SEMA5A: variants seen among roughly 807,000 people sequenced by gnomAD.
SEMA5A encodes the protein semaphorin 5A, also known as semaphorin-5A.
SEMA5A carries 55 observed loss-of-function variants against 135.5 expected under a neutral mutation model. The ratio of observed to expected loss-of-function variants is 0.41; its 90% confidence interval spans 0.33 to 0.51. The LOEUF (loss-of-function observed/expected upper bound fraction) is 0.51. SEMA5A is among the 20% of genes least tolerant of loss of function. The probability of loss-of-function intolerance (pLI) is 0.37; values close to 1 mark genes in which losing one functional copy is unlikely to be tolerated. For synonymous variants in SEMA5A, 580 were observed against 546.5 expected, an observed-to-expected ratio of 1.06 and a Z score of -0.85; for missense variants, 1,290 against 1,419.9, an observed-to-expected ratio of 0.91 and a Z score of 1.47.
chr5:9,503,547 C>T (rs1303993912), intron 1 of SEMA5A, among the ~76,000 whole-genome samples: 1 of 152,218 alleles, frequency 6.6e-6, no homozygotes, highest in Non-Finnish European at 1.5e-5. Flanking sequence ...CACGCTGGAG[C>T]CAACCTTGAA....
chr5:9,289,911 C>T (rs1055871958), intron 5 of SEMA5A, among the ~76,000 whole-genome samples: 5 of 152,062 alleles, frequency 3.3e-5, no homozygotes, highest in African/African-American at 1.2e-4. Flanking sequence ...ACACATAAGA[C>T]ATTTCAAAAG....
intron 3 of SEMA5A, among the ~76,000 whole-genome samples, chr5:9,374,789 C>T (rs1208768279): frequency 6.6e-6 from 1 of 152,154 alleles, no homozygotes; most frequent in African/African-American, 2.4e-5. Flanking sequence ...TCCTTCCTCT[C>T]CCGCACCCAC....
intron 5 of SEMA5A, among the ~76,000 whole-genome samples, chr5:9,264,207 C>T (rs1749555930): frequency 6.6e-6 from 1 of 152,054 alleles, no homozygotes. Context: ...TATTTAAGAA[C>T]ATTTTACATT....
chr5:9,123,460 G>A (rs1465579302), intron 13 of SEMA5A, among the ~76,000 whole-genome samples: 1 of 151,102 alleles, frequency 6.6e-6, no homozygotes, highest in African/African-American at 2.4e-5. Flanking sequence ...AAAGGAAGGA[G>A]AAGAAAAAGG....
chr5:9,353,174 G>GGGAAGGGAAAGGAAAGGAAA (rs1754247171), intron 3 of SEMA5A, among the ~76,000 whole-genome samples: 1 of 30,954 alleles, frequency 3.2e-5, no homozygotes, highest in African/African-American at 1.7e-4. Flanking sequence ...GGGAAAGGAA[G>GGGAAGGGAAAGGAAAGGAAA]GGAAAGGAAG....
chr5:9,157,318 C>T (rs372926600), intron 11 of SEMA5A, among the ~76,000 whole-genome samples: 2 of 152,192 alleles, frequency 1.3e-5, no homozygotes, highest in Non-Finnish European at 2.9e-5. Context: ...TCTTCAAAGC[C>T]GGGATCTGTC....
intron 1 of SEMA5A, among the ~76,000 whole-genome samples, chr5:9,460,786 A>C (rs1759027542): frequency 6.6e-6 from 1 of 152,160 alleles, no homozygotes; most frequent in Admixed American, 6.5e-5. Context: ...AATCAAATGA[A>C]ATTATTTGCT....
intron 5 of SEMA5A, among the ~76,000 whole-genome samples, chr5:9,268,434 G>A (rs768409070): frequency 2.6e-5 from 4 of 152,188 alleles, no homozygotes; most frequent in Admixed American, 1.3e-4. Flanking sequence ...CACAGAAAAC[G>A]GCGTCATGAG....
At chr5:9,180,794 T>A (rs1172714003) in intron 11 of SEMA5A, among the ~76,000 whole-genome samples, 7 of 146,482 alleles carry the variant, frequency 4.8e-5, no homozygotes, top group African/African-American at 1.8e-4. Context: ...GAAAAAAAAA[T>A]TTGCAGGGAG....
At chr5:9,267,521 T>A (rs1749746419) in intron 5 of SEMA5A, among the ~76,000 whole-genome samples, 1 of 152,148 alleles carries the variant, frequency 6.6e-6, no homozygotes, top group African/African-American at 2.4e-5. Context: ...GGTTTCCACA[T>A]TATTGTGCTT....
intron 2 of SEMA5A, among the ~76,000 whole-genome samples, chr5:9,391,206 C>T (rs1295740052): frequency 6.6e-6 from 1 of 152,168 alleles, no homozygotes. Context: ...TAACTAGCTG[C>T]AGCATCATTC....
chr5:9,206,575 G>A (rs1746029849), intron 8 of SEMA5A, among the ~76,000 whole-genome samples: 1 of 151,870 alleles, frequency 6.6e-6, no homozygotes, highest in South Asian at 2.1e-4. Flanking sequence ...TCAATATGGG[G>A]GTACACCATA....
intron 2 of SEMA5A, among the ~76,000 whole-genome samples, chr5:9,414,006 CT>C (rs796092564): frequency 5.3e-5 from 8 of 152,094 alleles, no homozygotes; most frequent in Non-Finnish European, 1.0e-4. Context: ...CATTTCCTAA[CT>C]TTTTTTCAAT....
intron 1 of SEMA5A, among the ~76,000 whole-genome samples, chr5:9,480,174 C>G (rs1759822601): frequency 6.6e-6 from 1 of 152,150 alleles, no homozygotes; most frequent in South Asian, 2.1e-4. Flanking sequence ...TAAACCATCT[C>G]TAGACATTGC....
In SEMA5A at chr5:9,040,449, T is replaced by C. The variant is rs936564210; in HGVS notation, c.*2448A>G. The C allele has an allele frequency of 6.6e-6, 1 of 152,220 alleles. No homozygotes were observed. Among genetic ancestry groups the C allele is most frequent in the Non-Finnish European group, 1.5e-5 (1 of 68,044 alleles). 9.4% of individuals were successfully genotyped at this position (152,220 alleles called of 1,614,324 possible). On this transcript the variant is annotated 3_prime_UTR_variant, in exon 23 of 23. Transcript: ENST00000382496. ...GTACAGAGCCAGAACATGTGAACGG[T>C]AGCTACACAGTGATGGACAAACACA...
At chr5:9,529,545 A>G (rs1737329582) in intron 1 of SEMA5A, among the ~76,000 whole-genome samples, 3 of 152,190 alleles carry the variant, frequency 2.0e-5, no homozygotes, top group African/African-American at 7.2e-5. Flanking sequence ...TAAAACATGT[A>G]ATCTTCATAT....
chr5:9,046,350 G>A (rs965011845), intron 21 of SEMA5A, among the ~76,000 whole-genome samples: 1 of 152,222 alleles, frequency 6.6e-6, no homozygotes, highest in Non-Finnish European at 1.5e-5. Context: ...TGGAGATAAT[G>A]AGAAGAGCCT....
chr5:9,314,692 G>A (rs541208429), intron 5 of SEMA5A, among the ~76,000 whole-genome samples: 3 of 151,052 alleles, frequency 2.0e-5, no homozygotes, highest in South Asian at 4.2e-4. Flanking sequence ...CTGGAGACAC[G>A]TGATATAAAA....
At chr5:9,267,282 T>C (rs1355998011) in intron 5 of SEMA5A, among the ~76,000 whole-genome samples, 1 of 152,174 alleles carries the variant, frequency 6.6e-6, no homozygotes, top group Non-Finnish European at 1.5e-5. Context: ...TAAAATCTCA[T>C]CTGAATCTCC....
Sources: allele counts gnomAD v4.1 joint callset (sites outside exome capture counted in the v4.1 genomes callset), GRCh38; gene constraint gnomAD v4.1.1; transcripts MANE v1.5; gene names NCBI Gene and HGNC (gene_info 2026-07-23, HGNC 2026-07-21).